Variants in GRAMD2B observed in about 807,000 individuals in gnomAD.
GRAMD2B encodes GRAM domain containing 2B.
GRAMD2B carries 41 observed loss-of-function variants against 59.2 expected under a neutral mutation model. The observed-to-expected ratio is 0.69, with a 90% CI of 0.54 to 0.90. The LOEUF is 0.90. Ranked by LOEUF, GRAMD2B falls within the 40% of genes least tolerant of loss-of-function variation. The pLI is 0.00. For synonymous variants in GRAMD2B, 161 were observed against 182.7 expected (o/e 0.88, Z 0.96); for missense variants, 424 against 500.5 (o/e 0.85, Z 1.46).
At chr5:126,464,492 C>T (rs1021336290) in intron 1 of GRAMD2B, among the ~76,000 whole-genome samples, 3 of 152,158 alleles carry the variant, frequency 2.0e-5, no homozygotes, top group Admixed American at 6.6e-5. Flanking sequence ...CTTCACCGGC[C>T]GACTGAGGGA....
At chr5:126,390,850 T>C (rs1756663978) in intron 1 of GRAMD2B, among the ~76,000 whole-genome samples, 1 of 152,206 alleles carries the variant, frequency 6.6e-6, no homozygotes, top group Non-Finnish European at 1.5e-5. Flanking sequence ...ATAGGAACTA[T>C]TATTACTCCA....
At chr5:126,371,546 G>A (rs1245998470) in exon 1 of GRAMD2B, 3 of 1,288,958 alleles carry the variant, frequency 2.3e-6, no homozygotes, top group Admixed American at 2.3e-5. Context: ...TCCACAGACA[G>A]CCCCAGCTCG....
chr5:126,394,836 C>T (rs548355119), intron 1 of GRAMD2B, among the ~76,000 whole-genome samples: 264 of 152,330 alleles, frequency 1.7e-3, no homozygotes, highest in African/African-American at 6.1e-3. Flanking sequence ...GGTTTTTCTA[C>T]ATTTGGAGTA....
chr5:126,361,489 T>TAAAAA (rs11300255), intron 1 of GRAMD2B, among the ~76,000 whole-genome samples: 7 of 140,716 alleles, frequency 5.0e-5, no homozygotes, highest in Admixed American at 2.8e-4. Context: ...TCCGAAATGG[T>TAAAAA]AAAAAAAAAA....
chr5:126,403,220 GT>G (rs1757982071), intron 1 of GRAMD2B, among the ~76,000 whole-genome samples: 1 of 151,872 alleles, frequency 6.6e-6, no homozygotes, highest in South Asian at 2.1e-4. Context: ...ACATAAACAA[GT>G]TTTTAAAAAA....
intron 1 of GRAMD2B, among the ~76,000 whole-genome samples, chr5:126,401,122 A>T (rs1757799401): frequency 1.3e-5 from 2 of 151,924 alleles, no homozygotes; most frequent in Non-Finnish European, 1.5e-5. Flanking sequence ...TTTACTTTTT[A>T]AAATTCTTTT....
chr5:126,436,899 T>A (rs1230838574), intron 1 of GRAMD2B, among the ~76,000 whole-genome samples: 1 of 152,158 alleles, frequency 6.6e-6, no homozygotes, highest in Non-Finnish European at 1.5e-5. Flanking sequence ...TCATTCTAAC[T>A]GGAAAAAGTA....
intron 1 of GRAMD2B, among the ~76,000 whole-genome samples, chr5:126,430,352 TGTAACAACTTTATTGA>T (rs1225397625): frequency 6.6e-6 from 1 of 152,224 alleles, no homozygotes; most frequent in Non-Finnish European, 1.5e-5. Context: ...GCATAGTATT[TGTAACAACTTTATTGA>T]GTTTTTACCT....
At chr5:126,396,247 G>T (rs916097562) in intron 1 of GRAMD2B, among the ~76,000 whole-genome samples, 1 of 151,884 alleles carries the variant, frequency 6.6e-6, no homozygotes, top group Non-Finnish European at 1.5e-5. Context: ...ATGACATGGG[G>T]GTTTGTTGTA....
chr5:126,364,446 G>A (rs775973269), intron 1 of GRAMD2B, among the ~76,000 whole-genome samples: 3 of 152,212 alleles, frequency 2.0e-5, no homozygotes, highest in Non-Finnish European at 4.4e-5. Context: ...AATAGCAGTG[G>A]AAAATGAAAG....
At chr5:126,412,214 T>C (rs2061981434) in intron 1 of GRAMD2B, among the ~76,000 whole-genome samples, 2 of 152,136 alleles carry the variant, frequency 1.3e-5, no homozygotes, top group Non-Finnish European at 2.9e-5. Flanking sequence ...CTTTCAGTTT[T>C]TGCCTGTTCA....
intron 1 of GRAMD2B, among the ~76,000 whole-genome samples, chr5:126,429,896 G>C (rs1323780845): frequency 6.6e-6 from 1 of 152,104 alleles, no homozygotes; most frequent in Non-Finnish European, 1.5e-5. Flanking sequence ...TTACTGATTT[G>C]GTGTTATACA....
intron 1 of GRAMD2B, among the ~76,000 whole-genome samples, chr5:126,365,591 T>G (rs1043383659): frequency 2.6e-5 from 4 of 152,172 alleles, no homozygotes; most frequent in Admixed American, 2.6e-4. Flanking sequence ...AACTGTCAGT[T>G]CATTACAGGC....
intron 1 of GRAMD2B, among the ~76,000 whole-genome samples, chr5:126,426,809 A>G (rs552243675): frequency 6.6e-6 from 1 of 152,346 alleles, no homozygotes; most frequent in Admixed American, 6.5e-5. Flanking sequence ...TAGAATTTCT[A>G]GGTACATTTA....
Position 126,485,729 on chromosome 5 carries a change from G to A in GRAMD2B, c.1014G>A (p.Gln338=). The change falls in exon 11 of 14, where the codon CAG becomes CAA. Residue 338 remains glutamine (Q), a synonymous_variant. Coordinates refer to ENST00000285689, the MANE Select transcript of GRAMD2B (RefSeq NM_023927.4). Reference sequence around the variant, plus strand: ...GAATCTTACATAAAGTCAAGTCTCAGAAATGTCCGATGCTTCACCATATTC... The same window carrying A: ...GAATCTTACATAAAGTCAAGTCTCAAAAATGTCCGATGCTTCACCATATTC... ...TVGILHKVKS[Q]KCPMLHHILI... 6.2e-7 allele frequency: 1 copy of A among 1,612,676 alleles called. No individual in the cohort carries two copies. The highest frequency in any genetic ancestry group is 8.5e-7 in the Non-Finnish European group (1 of 1,179,344).
Position 126,483,529 on chromosome 5 carries a change from T to G in GRAMD2B, c.802T>G (p.Tyr268Asp). The G allele has an allele frequency of 6.2e-7, 1 of 1,612,956 alleles. No individual in the cohort carries two copies. Among genetic ancestry groups the G allele is most frequent in the Non-Finnish European group, 8.5e-7 (1 of 1,179,160 alleles). ...VQQRRQDMEG[Y>D]SSSGSQTPES... ...ACAAAGAAGGCAAGACATGGAAGGA[T>G]ATAGCAGTTCTGGTTCTCAAACTCC... The change falls in exon 9 of 14, where the codon TAT becomes GAT. Residue 268 changes from tyrosine (Y) to aspartate (D), a missense_variant. Coordinates refer to ENST00000285689, the MANE Select transcript of GRAMD2B (RefSeq NM_023927.4).
intron 12 of GRAMD2B, among the ~76,000 whole-genome samples, chr5:126,488,548 C>G (rs764891473): frequency 9.2e-5 from 14 of 152,146 alleles, no homozygotes; most frequent in Non-Finnish European, 1.2e-4. Flanking sequence ...TGTTTAGAAG[C>G]CGAAACACAC....
chr5:126,470,964 G>A (rs1036290563), intron 3 of GRAMD2B, among the ~76,000 whole-genome samples: 9 of 152,182 alleles, frequency 5.9e-5, no homozygotes, highest in African/African-American at 1.9e-4. Context: ...AATCAAGCGT[G>A]CAACCACTGC....
chr5:126,388,606 T>G (rs1238334981), intron 1 of GRAMD2B, among the ~76,000 whole-genome samples: 1 of 151,616 alleles, frequency 6.6e-6, no homozygotes, highest in East Asian at 1.9e-4. Flanking sequence ...CCCTACACAA[T>G]CATCACATTT....
Sources: gnomAD v4.1 joint callset for allele counts (sites outside exome capture counted in the v4.1 genomes callset) on GRCh38, gnomAD v4.1.1 for gene constraint, MANE v1.5 for transcripts, NCBI Gene and HGNC (gene_info 2026-07-23, HGNC 2026-07-21) for gene names.